SGCD: variants seen among roughly 807,000 people sequenced by gnomAD.
SGCD encodes sarcoglycan delta.
A neutral mutation model predicts 36.6 loss-of-function variants in SGCD; 18 were observed. The ratio of observed to expected loss-of-function variants is 0.49; its 90% CI spans 0.34 to 0.73. The LOEUF (loss-of-function observed/expected upper bound fraction) is 0.73. Among genes scored for constraint, SGCD ranks in the 30% least tolerant of loss-of-function variants. SGCD has a pLI of 0.01. For missense variants in SGCD, 387 were observed against 346.7 expected, an observed-to-expected ratio of 1.12 and a Z score of -0.92; for synonymous variants, 133 against 130.6, an observed-to-expected ratio of 1.02 and a Z score of -0.12.
chr5:155,844,870 C>T, the SGCD span, among the ~76,000 whole-genome samples: 2 of 152,098 alleles, frequency 1.3e-5, no homozygotes. Flanking sequence ...CTTCTCTGTG[C>T]TTCCATCATC....
the SGCD span, among the ~76,000 whole-genome samples, chr5:155,767,445 C>T: frequency 6.6e-6 from 1 of 152,314 alleles, no homozygotes; most frequent in East Asian, 1.9e-4. Context: ...GTGAAACAAA[C>T]TACATTTTCT....
At chr5:156,698,409 T>G (rs1754400289) in intron 7 of SGCD, among the ~76,000 whole-genome samples, 1 of 152,242 alleles carries the variant, frequency 6.6e-6, no homozygotes, top group South Asian at 2.1e-4. Flanking sequence ...CTCACCTTGC[T>G]ACTAACTCAG....
At chr5:156,387,032 T>C (rs1771313043) in intron 3 of SGCD, among the ~76,000 whole-genome samples, 1 of 152,206 alleles carries the variant, frequency 6.6e-6, no homozygotes, top group South Asian at 2.1e-4. Context: ...TAATGGATTC[T>C]GAAATCGTAC....
At chr5:155,839,135 T>G in the SGCD span, among the ~76,000 whole-genome samples, 3,645 of 152,266 alleles carry the variant, frequency 0.024, 77 homozygotes, top group South Asian at 0.035. Flanking sequence ...GGTGAATGTT[T>G]GAAGATAAAA....
At chr5:156,566,065 G>A (rs1388246901) in intron 4 of SGCD, among the ~76,000 whole-genome samples, 6 of 152,048 alleles carry the variant, frequency 3.9e-5, no homozygotes, top group African/African-American at 1.2e-4. Flanking sequence ...CACAAAAGAA[G>A]ACATTTATGT....
intron 3 of SGCD, among the ~76,000 whole-genome samples, chr5:156,357,603 G>A: frequency 6.6e-6 from 1 of 152,136 alleles, no homozygotes; most frequent in East Asian, 1.9e-4. Context: ...TACATAGCTT[G>A]TATTTATGTT....
rs550419627 is a variant in SGCD at position 155,904,845 on chromosome 5, A to G, written c.-282+34421A>G. On this transcript the variant is annotated intron_variant, in intron 1 of 9. Coordinates refer to the SGCD transcript ENST00000517913. ...CTTCCTTTTAATTTGCTATCATGCCATGTTTAATCTTGTAGTGCAAAGAAC... is the reference window on the plus strand; with the variant it reads ...CTTCCTTTTAATTTGCTATCATGCCGTGTTTAATCTTGTAGTGCAAAGAAC... 2.0e-5 allele frequency among the ~76,000 whole-genome samples: 3 copies of G among 152,322 alleles called. No individual in the cohort carries two copies. In the East Asian group the frequency reaches 5.8e-4, roughly 29 times the overall value.
intron 3 of SGCD, among the ~76,000 whole-genome samples, chr5:156,266,654 T>G (rs1272406749): frequency 1.3e-5 from 2 of 152,032 alleles, no homozygotes; most frequent in African/African-American, 4.8e-5. Context: ...AGCTATTGTT[T>G]AAATATTTTG....
intron 3 of SGCD, among the ~76,000 whole-genome samples, chr5:156,439,068 GCT>G (rs1753374122): frequency 6.6e-6 from 1 of 151,922 alleles, no homozygotes. Context: ...AAACCACTGG[GCT>G]CTTTCCCTAG....
intron 3 of SGCD, among the ~76,000 whole-genome samples, chr5:156,350,016 A>G (rs1020567504): frequency 1.3e-5 from 2 of 151,790 alleles, no homozygotes; most frequent in African/African-American, 4.8e-5. Context: ...CTTTTTGATA[A>G]GTGGGAGCTA....
At chr5:156,610,279 C>A (rs1467381934) in intron 6 of SGCD, among the ~76,000 whole-genome samples, 1 of 151,994 alleles carries the variant, frequency 6.6e-6, no homozygotes, top group South Asian at 2.1e-4. Context: ...CCCTCAGCTG[C>A]AGGTCTGTTG....
At chr5:156,051,425 G>T (rs1485553123) in intron 1 of SGCD, among the ~76,000 whole-genome samples, 1 of 146,388 alleles carries the variant, frequency 6.8e-6, no homozygotes, top group African/African-American at 2.5e-5. Flanking sequence ...TTGACCACAT[G>T]GAGAGAGATG....
the SGCD span, among the ~76,000 whole-genome samples, chr5:155,854,236 T>A: frequency 1.3e-5 from 2 of 152,156 alleles, no homozygotes; most frequent in Non-Finnish European, 2.9e-5. Context: ...ACTCACTAGA[T>A]GCCAGAAGCA....
intron 1 of SGCD, among the ~76,000 whole-genome samples, chr5:156,036,409 T>C (rs150360587): frequency 2.7e-4 from 41 of 152,290 alleles, no homozygotes; most frequent in Admixed American, 2.5e-3. Context: ...CATGACTCTA[T>C]CCAGGCTCCT....
At chr5:156,703,570 G>C (rs767724156) in intron 7 of SGCD, among the ~76,000 whole-genome samples, 1 of 151,998 alleles carries the variant, frequency 6.6e-6, no homozygotes, top group Admixed American at 6.6e-5. Context: ...TTTATCCTTA[G>C]TTACAATTTT....
intron 6 of SGCD, among the ~76,000 whole-genome samples, chr5:156,598,619 T>C (rs918811352): frequency 6.6e-6 from 1 of 152,218 alleles, no homozygotes; most frequent in African/African-American, 2.4e-5. Flanking sequence ...AGTGGTGTTA[T>C]CTCACACCCA....
chr5:156,268,415 T>A (rs534624994), intron 3 of SGCD, among the ~76,000 whole-genome samples: 1 of 152,356 alleles, frequency 6.6e-6, no homozygotes, highest in African/African-American at 2.4e-5. Flanking sequence ...TTGAACTAAT[T>A]TACTCTCCCA....
chr5:155,944,741 A>C lies in SGCD; in HGVS notation c.-282+74317A>C, dbSNP rs58168998. Reference sequence around the variant, plus strand: ...GCAAAGACAGATAATCTGACAAAAAATGTGGTAAGTTTATGATTGCACTGA... The same window carrying C: ...GCAAAGACAGATAATCTGACAAAAACTGTGGTAAGTTTATGATTGCACTGA... On this transcript the variant is annotated intron_variant, in intron 1 of 9. Coordinates refer to the SGCD transcript ENST00000517913. Among the ~76,000 whole-genome samples, 1,371 of 152,314 alleles carry C rather than the reference A, an allele frequency of 9.0e-3. 27 individuals are homozygous for C. The highest frequency in any genetic ancestry group is 0.031 in the African/African-American group (1,268 of 41,564).
At chr5:155,818,463 G>T in the SGCD span, among the ~76,000 whole-genome samples, 2 of 152,030 alleles carry the variant, frequency 1.3e-5, no homozygotes, top group African/African-American at 2.4e-5. Flanking sequence ...GAGGAGAGGG[G>T]TGCAGGCCTG....
Sources: allele counts gnomAD v4.1 joint callset (sites outside exome capture counted in the v4.1 genomes callset), GRCh38; gene constraint gnomAD v4.1.1; transcripts MANE v1.5; gene names NCBI Gene and HGNC (gene_info 2026-07-23, HGNC 2026-07-21).